The following ZBTB20 variants were observed in gnomAD, a reference collection of about 807,000 sequenced individuals.
ZBTB20 encodes zinc finger and BTB domain-containing protein 20.
ZBTB20 carries 9 observed loss-of-function variants against 56.9 expected under a neutral mutation model. That is an observed-to-expected ratio of 0.16 (90% CI 0.10 to 0.28). The LOEUF (loss-of-function observed/expected upper bound fraction) is 0.28, where lower values mean the gene tolerates loss of function less well. Ranked by LOEUF, ZBTB20 falls within the 10% of genes least tolerant of loss-of-function variation. ZBTB20 has a pLI of 1.00. For missense variants in ZBTB20, 655 were observed against 1,003.0 expected (o/e 0.65, Z 4.69); for synonymous variants, 417 against 420.7 (o/e 0.99, Z 0.11).
At chr3:114,942,182 T>C (rs1254783600) in intron 3 of ZBTB20, among the ~76,000 whole-genome samples, 1 of 145,808 alleles carries the variant, frequency 6.9e-6, no homozygotes, top group African/African-American at 2.8e-5. Flanking sequence ...ATCAGTATTA[T>C]TTGGATTCTC....
intron 2 of ZBTB20, among the ~76,000 whole-genome samples, chr3:115,000,674 T>C (rs1056926745): frequency 1.3e-5 from 2 of 151,650 alleles, no homozygotes; most frequent in African/African-American, 2.4e-5. Flanking sequence ...CTTTACCTTA[T>C]GTGCGACTCA....
At chr3:114,990,633 G>A (rs2078762079) in intron 2 of ZBTB20, among the ~76,000 whole-genome samples, 1 of 152,150 alleles carries the variant, frequency 6.6e-6, no homozygotes, top group South Asian at 2.1e-4. Flanking sequence ...ATGAGTTAGG[G>A]AGGATTCCCT....
intron 3 of ZBTB20, among the ~76,000 whole-genome samples, chr3:114,950,469 A>T (rs1005879901): frequency 1.3e-5 from 2 of 151,984 alleles, no homozygotes; most frequent in African/African-American, 4.8e-5. Flanking sequence ...CCTTCTTGTG[A>T]TGATATGAGA....
intron 6 of ZBTB20, among the ~76,000 whole-genome samples, chr3:114,533,343 A>G (rs1237757342): frequency 6.6e-6 from 1 of 152,028 alleles, no homozygotes; most frequent in African/African-American, 2.4e-5. Context: ...TTCATGAAGC[A>G]TACGCAAGTA....
At chr3:114,887,355 A>G (rs2076639647) in intron 4 of ZBTB20, among the ~76,000 whole-genome samples, 1 of 152,224 alleles carries the variant, frequency 6.6e-6, no homozygotes. Context: ...AATGTTGACT[A>G]GAGTCCCCAA....
At chr3:115,007,038 T>C (rs2079501801) in intron 2 of ZBTB20, among the ~76,000 whole-genome samples, 1 of 151,906 alleles carries the variant, frequency 6.6e-6, no homozygotes, top group Non-Finnish European at 1.5e-5. Flanking sequence ...ATGATGAGAA[T>C]AGGAGTATTT....
intron 6 of ZBTB20, among the ~76,000 whole-genome samples, chr3:114,609,385 C>A (rs1183216312): frequency 6.6e-6 from 1 of 152,188 alleles, no homozygotes; most frequent in Non-Finnish European, 1.5e-5. Flanking sequence ...AGTTATATTA[C>A]AAATTGCACA....
chr3:114,964,265 A>G (rs1037047869), intron 3 of ZBTB20, among the ~76,000 whole-genome samples: 1 of 152,134 alleles, frequency 6.6e-6, no homozygotes, highest in Admixed American at 6.6e-5. Context: ...AAATACAAAA[A>G]TTAGCCAGGT....
rs1011045956 is a variant in ZBTB20 at position 115,024,951 on chromosome 3, C to T, written c.-507+46268G>A. 4.0e-5 allele frequency among the ~76,000 whole-genome samples: 6 copies of T among 150,966 alleles called. No homozygotes were observed. In the South Asian group the frequency reaches 1.2e-3, roughly 31 times the overall value. ...AAAATTTGCCTTATTCTTTCTTTAA[C>T]TTTTATTTTAAGTTCAGGGGTACAA... is the stretch of plus-strand genomic sequence containing the variant. On this transcript the variant is annotated intron_variant, in intron 2 of 11. Transcript: ENST00000675478.
chr3:114,927,995 T>C (rs1188450507), intron 3 of ZBTB20, among the ~76,000 whole-genome samples: 1 of 152,244 alleles, frequency 6.6e-6, no homozygotes, highest in African/African-American at 2.4e-5. Flanking sequence ...ACACCCTCAA[T>C]TAACTCTCAA....
Position 114,587,567 on chromosome 3 carries a change from T to C in ZBTB20, c.-294-87176A>G, listed in dbSNP as rs142646377. Among the ~76,000 whole-genome samples the C allele has an allele frequency of 8.0e-3, 1,216 of 152,366 alleles. 18 individuals are homozygous for C. The highest frequency in any genetic ancestry group is 0.026 in the African/African-American group (1,102 of 41,588). ...TATACAATTTACATGTGTAATTTAATCATTACAATAATTCTATGGCATATG... is the reference window on the plus strand; with the variant it reads ...TATACAATTTACATGTGTAATTTAACCATTACAATAATTCTATGGCATATG... On this transcript the variant is annotated intron_variant, in intron 6 of 11. Transcript: ENST00000675478.
chr3:114,756,819 T>C (rs2068041531), intron 5 of ZBTB20, among the ~76,000 whole-genome samples: 1 of 152,164 alleles, frequency 6.6e-6, no homozygotes, highest in South Asian at 2.1e-4. Context: ...TATATTCATA[T>C]TGATATGTCC....
intron 6 of ZBTB20, among the ~76,000 whole-genome samples, chr3:114,676,497 TA>T (rs1295655038): frequency 6.6e-6 from 1 of 152,166 alleles, no homozygotes; most frequent in East Asian, 1.9e-4. Flanking sequence ...TTTTTCCAAT[TA>T]GATTGTTTTT....
intron 5 of ZBTB20, among the ~76,000 whole-genome samples, chr3:114,744,804 C>A (rs953037086): frequency 6.6e-6 from 1 of 152,028 alleles, no homozygotes; most frequent in African/African-American, 2.4e-5. Context: ...TGTTCAAAAT[C>A]TATTCTTGCT....
intron 10 of ZBTB20, among the ~76,000 whole-genome samples, chr3:114,356,608 G>T (rs2081278280): frequency 7.2e-6 from 1 of 138,818 alleles, no homozygotes; most frequent in South Asian, 2.4e-4. Flanking sequence ...TGGGGCACCA[G>T]ATGAGGTTAG....
At chr3:114,820,581 T>C (rs2073182962) in intron 4 of ZBTB20, among the ~76,000 whole-genome samples, 2 of 152,068 alleles carry the variant, frequency 1.3e-5, no homozygotes, top group Non-Finnish European at 2.9e-5. Flanking sequence ...AAAAAAGTTA[T>C]TTTAAGCCTA....
At chr3:114,775,438 A>C (rs982924996) in intron 5 of ZBTB20, among the ~76,000 whole-genome samples, 2 of 152,128 alleles carry the variant, frequency 1.3e-5, no homozygotes, top group African/African-American at 4.8e-5. Flanking sequence ...TCATGTGGTT[A>C]AAATTCTTAA....
At chr3:114,887,096 G>C (rs1312187932) in intron 4 of ZBTB20, among the ~76,000 whole-genome samples, 2 of 152,014 alleles carry the variant, frequency 1.3e-5, no homozygotes, top group African/African-American at 4.8e-5. Flanking sequence ...CTCTCTTTAT[G>C]TTTCTATAAA....
chr3:114,859,822 C>T (rs1275321444), intron 4 of ZBTB20, among the ~76,000 whole-genome samples: 1 of 152,164 alleles, frequency 6.6e-6, no homozygotes, highest in East Asian at 1.9e-4. Flanking sequence ...ACTTTTACAA[C>T]TACAATGTCA....
Sources: allele counts gnomAD v4.1 joint callset (sites outside exome capture counted in the v4.1 genomes callset), GRCh38; gene constraint gnomAD v4.1.1; transcripts MANE v1.5; gene names NCBI Gene and HGNC (gene_info 2026-07-23, HGNC 2026-07-21).